LIPC: variants seen among roughly 807,000 people sequenced by gnomAD.
The protein encoded by LIPC is lipase C, hepatic type.
In LIPC, 44 loss-of-function variants were observed where a neutral mutation model predicts 50.7. That is an observed-to-expected ratio of 0.87 (90% confidence interval 0.68 to 1.11). LIPC has a LOEUF of 1.11. LIPC is among the 50% of genes most tolerant of loss of function. The probability of loss-of-function intolerance (pLI) is 0.00; values close to 1 mark genes in which losing one functional copy is unlikely to be tolerated. For synonymous variants in LIPC, 271 were observed against 256.4 expected, an observed-to-expected ratio of 1.06 and a Z score of -0.54; for missense variants, 697 against 648.2, an observed-to-expected ratio of 1.08 and a Z score of -0.82.
chr15:58,452,365 C>T (rs575249824), intron 1 of LIPC, among the ~76,000 whole-genome samples: 1 of 152,306 alleles, frequency 6.6e-6, no homozygotes, highest in South Asian at 2.1e-4. Context: ...CCATCAAGTT[C>T]AAAGGGACCA....
intron 2 of LIPC, 26 bp from the exon 3 acceptor site, chr15:58,541,759 C>A (rs112575642): frequency 1.9e-6 from 3 of 1,608,154 alleles, no homozygotes; most frequent in African/African-American, 2.7e-5. Context: ...GAAACTAGTG[C>A]GACCCTCCCT....
intron 1 of LIPC, among the ~76,000 whole-genome samples, chr15:58,466,454 G>A (rs1894567727): frequency 6.6e-6 from 1 of 152,202 alleles, no homozygotes; most frequent in Non-Finnish European, 1.5e-5. Flanking sequence ...CTGGGCCTGA[G>A]TTTTCTCATC....
rs1894246260 is a variant in LIPC at position 58,563,595 on chromosome 15, G to A, written c.1260G>A (p.Trp420Ter). 1.2e-6 allele frequency: 2 copies of A among 1,614,042 alleles called. No homozygotes were observed. The highest frequency in any genetic ancestry group is 1.3e-5 in the African/African-American group (1 of 74,906). ...IGELIMIKFK[W>*]ENSAVWANVW... ...AGCTGATCATGATCAAGTTCAAGTG[G>A]GAAAACAGTGCAGTGTGGGCCAATG... The change falls in exon 8 of 9, where the codon TGG becomes TGA. Residue 420 changes from tryptophan to a stop codon, truncating the protein, a stop_gained. Coordinates refer to ENST00000299022, the MANE Select transcript of LIPC (RefSeq NM_000236.3). LOFTEE classifies it high-confidence loss of function.
chr15:58,459,903 G>C (rs902127894), intron 1 of LIPC, among the ~76,000 whole-genome samples: 10 of 152,240 alleles, frequency 6.6e-5, no homozygotes, highest in African/African-American at 2.4e-4. Flanking sequence ...CCACTGCGTT[G>C]CTATGAGATC....
At chr15:58,432,178 T>C in intron 1 of LIPC, 58 bp downstream of exon 1, 1 of 1,255,860 alleles carries the variant, frequency 8.0e-7, no homozygotes, top group Non-Finnish European at 1.2e-6. Flanking sequence ...AAAACGTGTG[T>C]CACAAAGAAT....
chr15:58,534,758 A>G (rs1189408444), intron 1 of LIPC, among the ~76,000 whole-genome samples: 2 of 152,216 alleles, frequency 1.3e-5, no homozygotes, highest in East Asian at 3.8e-4. Context: ...TCTGTGGCCC[A>G]TCTTCAGCAG....
chr15:58,436,718 G>C, intron 1 of LIPC: 1 of 456,240 alleles, frequency 2.2e-6, no homozygotes, highest in Non-Finnish European at 4.4e-6. Flanking sequence ...CCATGAGAGA[G>C]GAATGAGTAG....
At chr15:58,518,440 C>T (rs1309774141) in intron 1 of LIPC, among the ~76,000 whole-genome samples, 2 of 152,132 alleles carry the variant, frequency 1.3e-5, no homozygotes, top group South Asian at 2.1e-4. Context: ...GAAACTTGGC[C>T]GTGAGAGACA....
At chr15:58,554,876 C>T (rs1036233389) in intron 6 of LIPC, among the ~76,000 whole-genome samples, 3 of 152,178 alleles carry the variant, frequency 2.0e-5, no homozygotes, top group Admixed American at 6.5e-5. Context: ...CAAGATTCTC[C>T]GTGCAGACAT....
chr15:58,539,162 G>T (rs558012894), intron 2 of LIPC, among the ~76,000 whole-genome samples: 1 of 152,250 alleles, frequency 6.6e-6, no homozygotes, highest in Admixed American at 6.5e-5. Flanking sequence ...GAAGCACAAT[G>T]TAGTAAAAGA....
At chr15:58,524,205 A>T (rs1395943065) in intron 1 of LIPC, among the ~76,000 whole-genome samples, 1 of 152,162 alleles carries the variant, frequency 6.6e-6, no homozygotes, top group Non-Finnish European at 1.5e-5. Flanking sequence ...CACACTTTAG[A>T]TACTGTTCTG....
intron 1 of LIPC, among the ~76,000 whole-genome samples, chr15:58,460,797 G>A (rs756933318): frequency 1.3e-5 from 2 of 152,228 alleles, no homozygotes; most frequent in African/African-American, 2.4e-5. Flanking sequence ...AGAATGGGAA[G>A]TCAGGAGACC....
Position 58,477,996 on chromosome 15 carries a change from C to T in LIPC, c.88+45876C>T, listed in dbSNP as rs929918666. ...AGCCAGGGGGACGTGCACCCTATAC[C>T]CACCCCATGCACACCTGTCCCAGGC... On this transcript the variant is annotated intron_variant, in intron 1 of 8. Transcript: ENST00000299022. Among the ~76,000 whole-genome samples the T allele has an allele frequency of 1.8e-4, 27 of 151,946 alleles. 1 individual carries two copies. The highest frequency in any genetic ancestry group is 2.9e-4 in the Non-Finnish European group (20 of 68,010).
intron 2 of LIPC, among the ~76,000 whole-genome samples, chr15:58,540,830 G>T (rs1243733191): frequency 6.6e-6 from 1 of 152,056 alleles, no homozygotes; most frequent in Non-Finnish European, 1.5e-5. Context: ...TTGCGATAGG[G>T]TCTCACTCTA....
chr15:58,568,845 G>A lies in LIPC; in HGVS notation c.*18G>A, dbSNP rs1345877781. ...TCAGATGAGATTTAATGAAGACCCA[G>A]TGTAAAGAATAAATGAATCTTACTC... On this transcript the variant is annotated 3_prime_UTR_variant, in exon 9 of 9. Coordinates refer to ENST00000299022, the MANE Select transcript of LIPC (RefSeq NM_000236.3). 11 of 1,439,300 alleles carry A rather than the reference G, an allele frequency of 7.6e-6. No individual in the cohort carries two copies. In the African/African-American group the frequency reaches 1.4e-4, roughly 18 times the overall value. The allele number at this position is 1,439,300 out of a possible 1,614,324, so 89.2% of individuals were successfully genotyped here.
chr15:58,500,760 AC>A (rs1361094461), intron 1 of LIPC, among the ~76,000 whole-genome samples: 2 of 33,470 alleles, frequency 6.0e-5, no homozygotes, highest in Non-Finnish European at 1.3e-4. Flanking sequence ...TCCCCCCACC[AC>A]CCCCCTTCTC....
chr15:58,492,407 G>A (rs1166484141), intron 1 of LIPC, among the ~76,000 whole-genome samples: 1 of 152,186 alleles, frequency 6.6e-6, no homozygotes, highest in African/African-American at 2.4e-5. Flanking sequence ...TTATAAAGCT[G>A]TAATAGCTTA....
At chr15:58,560,054 G>C (rs773118414) in intron 6 of LIPC, among the ~76,000 whole-genome samples, 6 of 152,186 alleles carry the variant, frequency 3.9e-5, no homozygotes, top group Non-Finnish European at 7.3e-5. Context: ...GTTGTGATGA[G>C]TAAATGAGAT....
At position 58,492,125 on chromosome 15, in the gene LIPC, A is replaced by G. The variant is rs541112495; in HGVS notation, c.89-46208A>G. 3.3e-5 allele frequency among the ~76,000 whole-genome samples: 5 copies of G among 152,266 alleles called. No homozygotes were observed. In the East Asian group the frequency reaches 7.7e-4, roughly 24 times the overall value. The stretch of plus-strand genomic sequence containing the variant: ...ATCTGACAGCAGGGGAGGCTCCCCA[A>G]GCATTCTACCCAGAAGAACAAGCAC... On this transcript the variant is annotated intron_variant, in intron 1 of 8. Transcript: ENST00000299022.
Sources: gnomAD v4.1 joint callset for allele counts (sites outside exome capture counted in the v4.1 genomes callset) on GRCh38, gnomAD v4.1.1 for gene constraint, MANE v1.5 for transcripts, NCBI Gene and HGNC (gene_info 2026-07-23, HGNC 2026-07-21) for gene names.